The following LIN7A variants were observed in gnomAD, a reference collection of about 807,000 sequenced individuals.
The protein encoded by LIN7A is protein lin-7 homolog A.
In LIN7A, 25 loss-of-function variants were observed where a neutral mutation model predicts 29.8. The ratio of observed to expected loss-of-function variants is 0.84; its 90% CI spans 0.61 to 1.17. The LOEUF is 1.17. LIN7A is among the 50% of genes most tolerant of loss of function. The pLI is 0.00. For synonymous variants in LIN7A, 118 were observed against 107.5 expected (o/e 1.10, Z -0.60); for missense variants, 239 against 287.0 (o/e 0.83, Z 1.21).
At chr12:80,903,782 C>G (rs904092963) in intron 1 of LIN7A, among the ~76,000 whole-genome samples, 1 of 151,946 alleles carries the variant, frequency 6.6e-6, no homozygotes, top group African/African-American at 2.4e-5. Context: ...TCCATAGAAG[C>G]TGTAGTAAGT....
intron 5 of LIN7A, among the ~76,000 whole-genome samples, chr12:80,811,043 T>TTG (rs1871262673): frequency 6.6e-6 from 1 of 152,146 alleles, no homozygotes; most frequent in Admixed American, 6.5e-5. Flanking sequence ...CACTATAAGG[T>TTG]TGTGCAGTTA....
intron 4 of LIN7A, among the ~76,000 whole-genome samples, chr12:80,842,904 G>A (rs570431662): frequency 3.7e-4 from 56 of 152,204 alleles, no homozygotes; most frequent in Non-Finnish European, 6.6e-4. Context: ...CTATATGAAT[G>A]TGTAATACTT....
rs116664398 is a variant in LIN7A at position 80,840,730 on chromosome 12, G to A, written c.483+5000C>T. Among the ~76,000 whole-genome samples, 1,450 of 152,230 alleles carry A rather than the reference G, an allele frequency of 9.5e-3. 19 individuals are homozygous for A. Among genetic ancestry groups the A allele is most frequent in the African/African-American group, 0.032 (1,349 of 41,516 alleles). The stretch of plus-strand genomic sequence containing the variant: ...GAGTGTAAGGCAGCATGTGTGTGTT[G>A]GTCAGGGGAGGGTTATATGGTACTC... On this transcript the variant is annotated intron_variant, in intron 4 of 5. Coordinates refer to ENST00000552864, the MANE Select transcript of LIN7A (RefSeq NM_004664.4).
At chr12:80,898,262 T>C (rs1236445464) in intron 1 of LIN7A, among the ~76,000 whole-genome samples, 3 of 152,220 alleles carry the variant, frequency 2.0e-5, no homozygotes, top group African/African-American at 7.2e-5. Context: ...TCAACTTTGT[T>C]GAAGATCAGA....
At chr12:80,927,163 T>TC (rs1877639940) in intron 1 of LIN7A, among the ~76,000 whole-genome samples, 1 of 125,892 alleles carries the variant, frequency 7.9e-6, no homozygotes, top group South Asian at 2.8e-4. Context: ...TTCTTTTTTT[T>TC]TTTTTTTTTT....
At chr12:80,929,372 G>T (rs1342340258) in intron 1 of LIN7A, among the ~76,000 whole-genome samples, 2 of 152,230 alleles carry the variant, frequency 1.3e-5, no homozygotes, top group East Asian at 3.9e-4. Context: ...TATTGGTAGG[G>T]TTGGCCAAAT....
At chr12:80,809,645 T>C (rs1426057465) in intron 5 of LIN7A, among the ~76,000 whole-genome samples, 2 of 152,226 alleles carry the variant, frequency 1.3e-5, no homozygotes, top group Non-Finnish European at 2.9e-5. Context: ...TATTTATTGA[T>C]ACTTGCCTTG....
At chr12:80,821,174 G>C (rs1235307898) in intron 4 of LIN7A, among the ~76,000 whole-genome samples, 2 of 152,186 alleles carry the variant, frequency 1.3e-5, no homozygotes, top group African/African-American at 4.8e-5. Flanking sequence ...TGCCAGGGCA[G>C]AAAGGCCAGG....
At chr12:80,911,365 T>G (rs1048345652) in intron 1 of LIN7A, among the ~76,000 whole-genome samples, 2 of 149,802 alleles carry the variant, frequency 1.3e-5, no homozygotes, top group Non-Finnish European at 3.0e-5. Context: ...ATCCTCCCAC[T>G]TCAGGCTACT....
chr12:80,813,072 G>A (rs1380110584), intron 4 of LIN7A, among the ~76,000 whole-genome samples: 2 of 151,518 alleles, frequency 1.3e-5, no homozygotes, highest in Non-Finnish European at 2.9e-5. Flanking sequence ...GTGCAATGGC[G>A]CGATCTTGGC....
chr12:80,912,704 G>A (rs1050011124), intron 1 of LIN7A, among the ~76,000 whole-genome samples: 1 of 118,116 alleles, frequency 8.5e-6, no homozygotes, highest in Non-Finnish European at 1.7e-5. Flanking sequence ...GACAGACTGA[G>A]ACTTGTCTCA....
At chr12:80,818,555 T>C (rs1366257722) in intron 4 of LIN7A, among the ~76,000 whole-genome samples, 2 of 152,130 alleles carry the variant, frequency 1.3e-5, no homozygotes, top group East Asian at 3.8e-4. Context: ...AATAAAATAA[T>C]AAAGAAAAAG....
chr12:80,929,957 A>G (rs548650344), intron 1 of LIN7A, among the ~76,000 whole-genome samples: 1 of 152,238 alleles, frequency 6.6e-6, no homozygotes, highest in South Asian at 2.1e-4. Flanking sequence ...CCCAGCTGTG[A>G]TTTCATGCTA....
chr12:80,878,268 C>G (rs1411247990), intron 2 of LIN7A, among the ~76,000 whole-genome samples: 1 of 152,186 alleles, frequency 6.6e-6, no homozygotes, highest in Admixed American at 6.5e-5. Flanking sequence ...CAAACACTCT[C>G]TACACATCAT....
At chr12:80,894,209 T>A (rs1489470077) in intron 1 of LIN7A, among the ~76,000 whole-genome samples, 2 of 152,194 alleles carry the variant, frequency 1.3e-5, no homozygotes, top group Non-Finnish European at 2.9e-5. Context: ...CTGATGCTTG[T>A]TTTATGAAAC....
At chr12:80,928,105 C>A (rs892879427) in intron 1 of LIN7A, among the ~76,000 whole-genome samples, 2 of 152,120 alleles carry the variant, frequency 1.3e-5, no homozygotes, top group African/African-American at 4.8e-5. Context: ...TCCAGTCTAT[C>A]ATTGATGGAC....
At chr12:80,816,489 A>G (rs969619093) in intron 4 of LIN7A, among the ~76,000 whole-genome samples, 11 of 151,928 alleles carry the variant, frequency 7.2e-5, no homozygotes, top group African/African-American at 2.7e-4. Flanking sequence ...ATAGTTATAT[A>G]TATATATGGA....
At chr12:80,862,925 G>A (rs1015621315) in intron 2 of LIN7A, among the ~76,000 whole-genome samples, 26 of 152,200 alleles carry the variant, frequency 1.7e-4, no homozygotes, top group Admixed American at 1.5e-3. Flanking sequence ...ACACCATCCT[G>A]ACTCACTGTT....
chr12:80,819,321 A>C (rs1440427052), intron 4 of LIN7A, among the ~76,000 whole-genome samples: 1 of 152,142 alleles, frequency 6.6e-6, no homozygotes, highest in African/African-American at 2.4e-5. Context: ...TCCTGTTCTA[A>C]ATGTAGTCTT....
Sources: allele counts gnomAD v4.1 joint callset (sites outside exome capture counted in the v4.1 genomes callset), GRCh38; gene constraint gnomAD v4.1.1; transcripts MANE v1.5; gene names NCBI Gene and HGNC (gene_info 2026-07-23, HGNC 2026-07-21).